Variants in NCOA2 observed in about 807,000 individuals in gnomAD.
NCOA2 encodes the protein class E basic helix-loop-helix protein 75.
A neutral mutation model predicts 145.1 loss-of-function variants in NCOA2; 21 were observed. The observed-to-expected ratio is 0.14, with a 90% CI of 0.10 to 0.21. NCOA2 has a LOEUF of 0.21. NCOA2 is among the 10% of genes least tolerant of loss of function. The pLI is 1.00. For missense variants in NCOA2, 1,472 were observed against 1,837.6 expected, an observed-to-expected ratio of 0.80 and a Z score of 3.64; for synonymous variants, 619 against 637.5, an observed-to-expected ratio of 0.97 and a Z score of 0.44.
At chr8:70,232,633 T>C (rs376450516) in intron 2 of NCOA2, among the ~76,000 whole-genome samples, 1 of 152,178 alleles carries the variant, frequency 6.6e-6, no homozygotes, top group East Asian at 1.9e-4. Context: ...ACCCCATTTC[T>C]ATTCCCCTCC....
rs1812340612 is a variant in NCOA2 at position 70,156,764 on chromosome 8, A to C, written c.1601T>G (p.Leu534Arg). The change falls in exon 11 of 23, where the codon CTC (leucine) becomes CGC (arginine). Residue 534 changes from leucine to arginine, a missense_variant. Physicochemically the swap from Leu to Arg is moderately radical, Grantham distance 102. This residue lies in a region of NCOA2 where 953 missense variants were observed against 1,062.1 expected (regional missense o/e 0.90). Coordinates refer to ENST00000452400, the MANE Select transcript of NCOA2 (RefSeq NM_006540.4). ...GNSHSYTNSSLNALQALSEGH... is the reference protein window; with the variant it reads ...GNSHSYTNSSRNALQALSEGH... ...CTCGCTGAGGGCCTGAAGTGCATTGAGGGAGCTGTTGGTATAACTATGGCT... is the reference window on the plus strand; with the variant it reads ...CTCGCTGAGGGCCTGAAGTGCATTGCGGGAGCTGTTGGTATAACTATGGCT... 1 of 1,613,852 alleles carries C rather than the reference A, an allele frequency of 6.2e-7. No homozygotes were observed. The highest frequency in any genetic ancestry group is 1.7e-5 in the Admixed American group (1 of 60,008).
intron 4 of NCOA2, among the ~76,000 whole-genome samples, chr8:70,199,468 A>T (rs565185770): frequency 5.2e-4 from 79 of 151,470 alleles, no homozygotes; most frequent in African/African-American, 1.9e-3. Flanking sequence ...AAAAAAAAAA[A>T]AAAGTAGAGA....
chr8:70,401,664 C>G (rs1814263147), intron 1 of NCOA2: 2 of 152,126 alleles, frequency 1.3e-5, no homozygotes. Context: ...TTTCTACTAC[C>G]AATAATCAGT....
At chr8:70,419,520 TCTTTTA>T in the NCOA2 span, among the ~76,000 whole-genome samples, 3 of 152,148 alleles carry the variant, frequency 2.0e-5, no homozygotes, top group Non-Finnish European at 4.4e-5. Flanking sequence ...TACGATGGGC[TCTTTTA>T]CTTTTTTTGC....
chr8:70,329,963 G>C (rs1415592312), intron 1 of NCOA2, among the ~76,000 whole-genome samples: 1 of 152,110 alleles, frequency 6.6e-6, no homozygotes, highest in Non-Finnish European at 1.5e-5. Flanking sequence ...GCACAGGAGA[G>C]GGAACCTTCT....
chr8:70,244,486 T>A (rs183597514), intron 2 of NCOA2, among the ~76,000 whole-genome samples: 1 of 152,068 alleles, frequency 6.6e-6, no homozygotes. Flanking sequence ...AGTTAGGTAC[T>A]ATATATAACA....
intron 1 of NCOA2, among the ~76,000 whole-genome samples, chr8:70,311,190 G>GA (rs71264504): frequency 0.24 from 36,914 of 150,768 alleles, 5,651 homozygotes; most frequent in East Asian, 0.57. Flanking sequence ...TTGAGGCAAA[G>GA]AAAAAAAATG....
At chr8:70,394,910 A>G (rs115064138) in intron 1 of NCOA2, among the ~76,000 whole-genome samples, 1,747 of 152,118 alleles carry the variant, frequency 0.011, 43 homozygotes, top group African/African-American at 0.04. Context: ...ATACCTCACC[A>G]CTCTTGGGTT....
chr8:70,159,712 G>A, intron 9 of NCOA2, 60 bp from the exon 10 acceptor site: 9 of 1,466,210 alleles, frequency 6.1e-6, no homozygotes, highest in Non-Finnish European at 8.4e-6. Context: ...GGGTCGGGGA[G>A]GACAAGACAT....
chr8:70,231,981 C>A (rs761087237), intron 2 of NCOA2, among the ~76,000 whole-genome samples: 4 of 152,176 alleles, frequency 2.6e-5, no homozygotes, highest in Admixed American at 6.5e-5. Flanking sequence ...TGTGGATGAA[C>A]TAATGAGTAT....
chr8:70,398,907 T>C (rs918946324), intron 1 of NCOA2, among the ~76,000 whole-genome samples: 28 of 152,236 alleles, frequency 1.8e-4, no homozygotes, highest in African/African-American at 6.5e-4. Flanking sequence ...ATCTTTGCCC[T>C]AAAAGCTAAC....
At chr8:70,399,267 C>A (rs550620331) in intron 1 of NCOA2, among the ~76,000 whole-genome samples, 75 of 151,908 alleles carry the variant, frequency 4.9e-4, no homozygotes, top group African/African-American at 1.6e-3. Context: ...CCTTTAAAAA[C>A]AAAAAAGGAA....
intron 4 of NCOA2, 68 bp downstream of exon 4, chr8:70,213,835 G>A: frequency 1.5e-6 from 2 of 1,310,038 alleles, no homozygotes; most frequent in Non-Finnish European, 2.1e-6. Flanking sequence ...GGACTCTGAA[G>A]GGACTTCTCA....
intron 20 of NCOA2, 54 bp from the exon 21 acceptor site, chr8:70,124,136 G>A (rs1808139683): frequency 6.5e-7 from 1 of 1,542,762 alleles, no homozygotes; most frequent in African/African-American, 1.3e-5. Flanking sequence ...GTATCCAGAG[G>A]CAGGCAGCTC....
rs142287218 is a variant in NCOA2 at position 70,357,957 on chromosome 8, A to C, written c.-77+45743T>G. Among the ~76,000 whole-genome samples, 3 of 152,196 alleles carry C rather than the reference A, an allele frequency of 2.0e-5. No individual in the cohort carries two copies. In the East Asian group the frequency reaches 5.8e-4, roughly 29 times the overall value. On this transcript the variant is annotated intron_variant, in intron 1 of 22. Transcript: ENST00000452400. ...TCCCAGCTACTTGGGAGGCTGAGGC[A>C]GGAGAATCACTTGAACCTGGGAGGC...
rs189865231 is a variant in NCOA2, at chr8:70,165,997, T to C, written c.730+569A>G. The stretch of plus-strand genomic sequence containing the variant: ...AGCCACCACGCCCGGCTACTTTTTG[T>C]ACTTTTAGTAGAGACAGGGTTTCAC... On this transcript the variant is annotated intron_variant, in intron 7 of 22. Transcript: ENST00000452400. Among the ~76,000 whole-genome samples, 6 of 152,272 alleles carry C rather than the reference T, an allele frequency of 3.9e-5. No homozygotes were observed. In the East Asian group the frequency reaches 9.7e-4, roughly 25 times the overall value.
chr8:70,364,691 C>A (rs565476750), intron 1 of NCOA2, among the ~76,000 whole-genome samples: 1 of 150,680 alleles, frequency 6.6e-6, no homozygotes, highest in South Asian at 2.1e-4. Flanking sequence ...AAACCAAATG[C>A]ATCTGACACA....
intron 14 of NCOA2, among the ~76,000 whole-genome samples, chr8:70,138,656 A>G: frequency 6.6e-6 from 1 of 152,258 alleles, no homozygotes; most frequent in East Asian, 1.9e-4. Flanking sequence ...AACAGAAAAA[A>G]GTGTAGATTC....
At chr8:70,284,998 C>CAA in intron 2 of NCOA2, among the ~76,000 whole-genome samples, 1 of 152,290 alleles carries the variant, frequency 6.6e-6, no homozygotes, top group South Asian at 2.1e-4. Context: ...AAAGGACCCT[C>CAA]AAGGTAGGCT....
Sources: allele counts gnomAD v4.1 joint callset (sites outside exome capture counted in the v4.1 genomes callset), GRCh38; gene constraint gnomAD v4.1.1; regional missense constraint gnomAD v4.1.1; transcripts MANE v1.5; gene names NCBI Gene and HGNC (gene_info 2026-07-23, HGNC 2026-07-21).